The following CRTAC1 variants were observed in gnomAD, a reference collection of about 807,000 sequenced individuals.
The protein encoded by CRTAC1 is cartilage acidic protein 1.
A neutral mutation model predicts 67.8 loss-of-function variants in CRTAC1; 37 were observed. The ratio of observed to expected loss-of-function variants is 0.55; its 90% CI spans 0.42 to 0.72. The LOEUF is 0.72. CRTAC1 is among the 30% of genes least tolerant of loss of function. The pLI is 0.00. For synonymous variants in CRTAC1, 348 were observed against 371.0 expected, an observed-to-expected ratio of 0.94 and a Z score of 0.71; for missense variants, 780 against 931.6, an observed-to-expected ratio of 0.84 and a Z score of 2.12.
chr10:98,005,020 C>T (rs1261359774), intron 2 of CRTAC1, among the ~76,000 whole-genome samples: 20 of 142,724 alleles, frequency 1.4e-4, no homozygotes, highest in Non-Finnish European at 2.5e-4. Context: ...TTTACCTTGA[C>T]CTAGGTTGTG....
intron 3 of CRTAC1, 81 bp from the exon 4 acceptor site, chr10:97,923,481 C>A: frequency 6.4e-7 from 1 of 1,571,026 alleles, no homozygotes. Context: ...CTCATGGCAC[C>A]TTTCACAAGG....
intron 8 of CRTAC1, among the ~76,000 whole-genome samples, chr10:97,897,651 A>C (rs889962174): frequency 2.6e-5 from 4 of 152,230 alleles, no homozygotes; most frequent in African/African-American, 9.7e-5. Flanking sequence ...TTTGGGTTGC[A>C]GCGGTTCTGT....
intron 11 of CRTAC1, among the ~76,000 whole-genome samples, chr10:97,893,757 C>T (rs913809345): frequency 2.6e-5 from 4 of 152,174 alleles, no homozygotes; most frequent in Non-Finnish European, 5.9e-5. Context: ...CTCTCTCTTC[C>T]ACCATCTCTA....
At chr10:97,947,593 T>C (rs191550357) in intron 2 of CRTAC1, among the ~76,000 whole-genome samples, 7 of 152,236 alleles carry the variant, frequency 4.6e-5, no homozygotes, top group Admixed American at 3.3e-4. Flanking sequence ...AGCCTGTATA[T>C]GCAAAGCATT....
At chr10:97,919,642 A>T (rs1231437361) in intron 4 of CRTAC1, among the ~76,000 whole-genome samples, 1 of 152,118 alleles carries the variant, frequency 6.6e-6, no homozygotes, top group Admixed American at 6.5e-5. Flanking sequence ...CTCTGGGATC[A>T]TGTTTGAAAT....
chr10:97,944,933 C>T lies in CRTAC1; in HGVS notation c.225-8567G>A, dbSNP rs116820887. 3.6e-3 allele frequency among the ~76,000 whole-genome samples: 550 copies of T among 152,336 alleles called. 8 individuals are homozygous for T. Among genetic ancestry groups the T allele is most frequent in the African/African-American group, 0.013 (526 of 41,572 alleles). ...AGCCTAGCTCACTGACAGCTGAATGCAGCTAAGTGAGTGACACCAGCTGAT... is the reference window on the plus strand; with the variant it reads ...AGCCTAGCTCACTGACAGCTGAATGTAGCTAAGTGAGTGACACCAGCTGAT... On this transcript the variant is annotated intron_variant, in intron 2 of 14. Coordinates refer to ENST00000370597, the MANE Select transcript of CRTAC1 (RefSeq NM_018058.7).
At chr10:98,015,339 G>C (rs1032275873) in intron 1 of CRTAC1, among the ~76,000 whole-genome samples, 1 of 152,124 alleles carries the variant, frequency 6.6e-6, no homozygotes, top group African/African-American at 2.4e-5. Flanking sequence ...GTTGCCAGGG[G>C]CTGGGTATAG....
At chr10:97,984,123 C>T (rs116838285) in intron 2 of CRTAC1, among the ~76,000 whole-genome samples, 1,875 of 152,170 alleles carry the variant, frequency 0.012, 50 homozygotes, top group African/African-American at 0.043. Flanking sequence ...CATGTGAAGG[C>T]GAAAATCCCT....
chr10:97,929,393 G>A (rs1258642490), intron 3 of CRTAC1, among the ~76,000 whole-genome samples: 1 of 152,170 alleles, frequency 6.6e-6, no homozygotes, highest in Non-Finnish European at 1.5e-5. Context: ...GCATGAGGTT[G>A]TGTCATAAAG....
At chr10:97,987,244 C>T (rs768392106) in intron 2 of CRTAC1, among the ~76,000 whole-genome samples, 1 of 152,206 alleles carries the variant, frequency 6.6e-6, no homozygotes, top group Non-Finnish European at 1.5e-5. Flanking sequence ...TGGTTGGCTC[C>T]TTTATAAGCC....
intron 3 of CRTAC1, among the ~76,000 whole-genome samples, chr10:97,926,694 C>G (rs2050924644): frequency 6.6e-6 from 1 of 152,182 alleles, no homozygotes; most frequent in Non-Finnish European, 1.5e-5. Flanking sequence ...CAGATTAGCC[C>G]AGGACAGGTT....
At chr10:97,963,627 G>A (rs1454741978) in intron 2 of CRTAC1, among the ~76,000 whole-genome samples, 1 of 152,094 alleles carries the variant, frequency 6.6e-6, no homozygotes. Flanking sequence ...AAACTCTGAT[G>A]GTTACTCACA....
chr10:97,877,781 A>G (rs2136534435), intron 14 of CRTAC1, among the ~76,000 whole-genome samples: 1 of 152,306 alleles, frequency 6.6e-6, no homozygotes, highest in Non-Finnish European at 1.5e-5. Flanking sequence ...ACACAGATAT[A>G]CCCTGTTATA....
chr10:97,955,785 A>C (rs888563792), intron 2 of CRTAC1, among the ~76,000 whole-genome samples: 3 of 152,186 alleles, frequency 2.0e-5, no homozygotes, highest in Admixed American at 6.5e-5. Flanking sequence ...CGCTGTGCCC[A>C]AGGGGTCCAC....
intron 13 of CRTAC1, 88 bp downstream of exon 13, chr10:97,882,698 C>T: frequency 2.8e-6 from 4 of 1,439,744 alleles, no homozygotes; most frequent in South Asian, 1.2e-5. Context: ...CCCTTGCTTG[C>T]ACCCTGGACC....
intron 11 of CRTAC1, among the ~76,000 whole-genome samples, chr10:97,885,805 G>A (rs2050274965): frequency 6.6e-6 from 1 of 152,132 alleles, no homozygotes; most frequent in Non-Finnish European, 1.5e-5. Context: ...CCTGCAGGGG[G>A]ACCTGAAGTC....
chr10:97,928,726 G>C (rs1447512882), intron 3 of CRTAC1, among the ~76,000 whole-genome samples: 2 of 152,184 alleles, frequency 1.3e-5, no homozygotes, highest in East Asian at 3.9e-4. Flanking sequence ...GGAAGGGTCA[G>C]AGTAACAACA....
chr10:97,949,802 G>A (rs1245117679), intron 2 of CRTAC1, among the ~76,000 whole-genome samples: 1 of 152,232 alleles, frequency 6.6e-6, no homozygotes, highest in Non-Finnish European at 1.5e-5. Context: ...CATGTACAAA[G>A]TGAGGATGCT....
intron 3 of CRTAC1, among the ~76,000 whole-genome samples, chr10:97,932,908 C>A (rs949592736): frequency 6.6e-6 from 1 of 152,216 alleles, no homozygotes; most frequent in African/African-American, 2.4e-5. Flanking sequence ...CAGGTTTGTA[C>A]AAAATGACTC....
Sources: gnomAD v4.1 joint callset for allele counts (sites outside exome capture counted in the v4.1 genomes callset) on GRCh38, gnomAD v4.1.1 for gene constraint, MANE v1.5 for transcripts, NCBI Gene and HGNC (gene_info 2026-07-23, HGNC 2026-07-21) for gene names.